The following PISD variants were observed in gnomAD, a reference collection of about 807,000 sequenced individuals.
The protein encoded by PISD is phosphatidylserine decarboxylase proenzyme, mitochondrial.
A neutral mutation model predicts 43.5 loss-of-function variants in PISD; 31 were observed. The observed-to-expected ratio is 0.71, with a 90% confidence interval of 0.54 to 0.96. The LOEUF is 0.96. Ranked by LOEUF, PISD falls within the 40% of genes least tolerant of loss-of-function variation. The pLI, the probability that PISD is intolerant of heterozygous loss-of-function variation, is 0.00. For synonymous variants in PISD, 259 were observed against 228.7 expected, an observed-to-expected ratio of 1.13 and a Z score of -1.20; for missense variants, 523 against 548.4, an observed-to-expected ratio of 0.95 and a Z score of 0.46.
Position 31,652,076 on chromosome 22 carries a change from T to C in PISD, c.66-1298A>G, listed in dbSNP as rs534106619. ...TTTAAATTGATATTTTTGTGAAAAATAGAATTGCATTTATTACTTTCACAC... is the reference window on the plus strand; with the variant it reads ...TTTAAATTGATATTTTTGTGAAAAACAGAATTGCATTTATTACTTTCACAC... On this transcript the variant is annotated intron_variant, in intron 1 of 7. Coordinates refer to ENST00000439502, the MANE Select transcript of PISD (RefSeq NM_001326411.2). 7.9e-5 allele frequency among the ~76,000 whole-genome samples: 12 copies of C among 152,292 alleles called. No individual in the cohort carries two copies. In the South Asian group the frequency reaches 1.2e-3, roughly 16 times the overall value.
At chr22:31,658,835 T>C (rs989839136) in intron 1 of PISD, among the ~76,000 whole-genome samples, 2 of 148,940 alleles carry the variant, frequency 1.3e-5, no homozygotes, top group African/African-American at 2.5e-5. Flanking sequence ...ACCTGGCCAG[T>C]TGCACTATTT....
At chr22:31,624,011 C>T (rs1364578824) in intron 3 of PISD, among the ~76,000 whole-genome samples, 1 of 152,246 alleles carries the variant, frequency 6.6e-6, no homozygotes, top group Non-Finnish European at 1.5e-5. Context: ...CTGGCTGTGC[C>T]CCCTCGTCCC....
upstream of PISD, chr22:31,662,369 G>T: frequency 1.4e-6 from 1 of 691,964 alleles, no homozygotes; most frequent in Non-Finnish European, 2.5e-6. Flanking sequence ...AACCCGCTTG[G>T]CACCTGCGGA....
intron 3 of PISD, among the ~76,000 whole-genome samples, chr22:31,644,448 C>T (rs1021155925): frequency 1.3e-5 from 2 of 151,886 alleles, no homozygotes; most frequent in Admixed American, 6.6e-5. Context: ...ACCATGTTAA[C>T]CAGGATGGTC....
intron 1 of PISD, 131 bp downstream of exon 1, chr22:31,662,013 A>T: frequency 1.3e-6 from 1 of 771,720 alleles, no homozygotes; most frequent in Non-Finnish European, 2.2e-6. Flanking sequence ...CCTAAGCTCG[A>T]GGTGAAGGTG....
At chr22:31,662,389 A>G, upstream of PISD, 1 of 629,390 alleles carries the variant, frequency 1.6e-6, no homozygotes, top group Non-Finnish European at 2.8e-6. Context: ...AGGTAGGGGA[A>G]CTAGTGGAGC....
At chr22:31,628,904 C>T in intron 3 of PISD, 31 of 985,296 alleles carry the variant, frequency 3.1e-5, no homozygotes, top group Non-Finnish European at 3.7e-5. Context: ...GGGGTTTCCA[C>T]CACAGGAAAG....
upstream of PISD, chr22:31,662,315 G>A (rs2074345969): frequency 5.9e-6 from 7 of 1,187,206 alleles, no homozygotes; most frequent in Non-Finnish European, 7.4e-6. Flanking sequence ...GCGCGGGTTG[G>A]GGGCGGAGCC....
At chr22:31,659,478 G>C (rs2074262457) in intron 1 of PISD, among the ~76,000 whole-genome samples, 1 of 152,100 alleles carries the variant, frequency 6.6e-6, no homozygotes, top group African/African-American at 2.4e-5. Flanking sequence ...CTACTTCCTA[G>C]GTACTATTGT....
intron 3 of PISD, among the ~76,000 whole-genome samples, chr22:31,640,873 AC>A (rs927970574): frequency 3.1e-5 from 1 of 32,696 alleles, no homozygotes; most frequent in African/African-American, 1.2e-4. Context: ...GAGCCACCAC[AC>A]CCGGTGTTTT....
rs61010566 is a variant in PISD at position 31,637,164 on chromosome 22, AATATATAT to A, written c.321+10929_321+10936del. ...AAATTAAAAAAAAAAAAAAAAAAAA[AATATATAT>A]ATATATATATATATATATATATATA... is the stretch of plus-strand genomic sequence containing the variant. On this transcript the variant is annotated intron_variant, in intron 3 of 7. Transcript: ENST00000439502. Among the ~76,000 whole-genome samples the A allele has an allele frequency of 6.2e-3, 84 of 13,570 alleles. 2 individuals carry two copies. The highest frequency in any genetic ancestry group is 0.018 in the African/African-American group (57 of 3,176). The allele number at this position is 13,570 out of a possible 152,430, so 8.9% of individuals were successfully genotyped here.
rs1371365216 is a variant in PISD, at chr22:31,618,994, A to T, written c.*618T>A. The T allele has an allele frequency of 5.7e-6, 1 of 174,436 alleles. No homozygotes were observed. The highest frequency in any genetic ancestry group is 1.3e-4 in the South Asian group (1 of 7,712). 10.8% of individuals were successfully genotyped at this position (174,436 alleles called of 1,614,324 possible). On this transcript the variant is annotated 3_prime_UTR_variant, in exon 8 of 8. Transcript: ENST00000439502. Reference sequence around the variant, plus strand: ...GGTCCTGCAAAGGTCTGTATCATTAATCAGTGTCATCAGTGTCCTCAGAAG... The same window carrying T: ...GGTCCTGCAAAGGTCTGTATCATTATTCAGTGTCATCAGTGTCCTCAGAAG...
Position 31,619,851 on chromosome 22 carries a change from T to C in PISD, c.1006-15A>G, listed in dbSNP as rs1013589503. On this transcript the variant is annotated splice_polypyrimidine_tract_variant and intron_variant, in intron 7 of 7. Coordinates refer to ENST00000439502, the MANE Select transcript of PISD (RefSeq NM_001326411.2). ...GTGTGCAGGTCCTGTGGTGATAGGC[T>C]GGGGGTCAGTGGGGCCCAGGCCACC... is the stretch of plus-strand genomic sequence containing the variant. 6.4e-7 allele frequency: 1 copy of C among 1,563,426 alleles called. No homozygotes were observed. The highest frequency in any genetic ancestry group is 1.7e-5 in the Admixed American group (1 of 58,494).
chr22:31,626,090 A>C (rs2072894010), intron 3 of PISD: 1 of 1,355,764 alleles, frequency 7.4e-7, no homozygotes, highest in African/African-American at 1.5e-5. Flanking sequence ...CCAGTGCAAA[A>C]GCCCCTGCAC....
chr22:31,644,707 C>T (rs996759704), intron 3 of PISD, among the ~76,000 whole-genome samples: 2 of 152,190 alleles, frequency 1.3e-5, no homozygotes, highest in African/African-American at 4.8e-5. Context: ...GTTGCCATTC[C>T]TGAAAACGTA....
intron 1 of PISD, among the ~76,000 whole-genome samples, chr22:31,656,745 T>C (rs1256262020): frequency 6.6e-6 from 1 of 152,122 alleles, no homozygotes; most frequent in Non-Finnish European, 1.5e-5. Flanking sequence ...CTACTTTCCC[T>C]CTCTTCCTCC....
At chr22:31,645,894 A>C (rs899442878) in intron 3 of PISD, among the ~76,000 whole-genome samples, 1 of 151,214 alleles carries the variant, frequency 6.6e-6, no homozygotes, top group Non-Finnish European at 1.5e-5. Flanking sequence ...AAACAAATAA[A>C]ATAAAATAAA....
chr22:31,623,857 G>A (rs370450450), intron 3 of PISD: 15 of 1,611,504 alleles, frequency 9.3e-6, no homozygotes, highest in African/African-American at 1.3e-5. Context: ...AACCTGCAGG[G>A]CACAGGTCCA....
intron 3 of PISD, among the ~76,000 whole-genome samples, chr22:31,642,455 A>G (rs988243472): frequency 1.3e-5 from 2 of 150,800 alleles, no homozygotes. Flanking sequence ...AGCCTGCCTC[A>G]AAAAAGAAAA....
Sources: gnomAD v4.1 joint callset for allele counts (sites outside exome capture counted in the v4.1 genomes callset) on GRCh38, gnomAD v4.1.1 for gene constraint, MANE v1.5 for transcripts, NCBI Gene and HGNC (gene_info 2026-07-23, HGNC 2026-07-21) for gene names.